CAMK4: variants seen among roughly 807,000 people sequenced by gnomAD.
CAMK4 encodes calcium/calmodulin dependent protein kinase IV, also known as calcium/calmodulin-dependent protein kinase type IV.
In CAMK4, 22 loss-of-function variants were observed where a neutral mutation model predicts 44.9. The ratio of observed to expected loss-of-function variants is 0.49; its 90% CI spans 0.35 to 0.70. The LOEUF (loss-of-function observed/expected upper bound fraction) is 0.70, where lower values mean the gene tolerates loss of function less well. Among genes scored for constraint, CAMK4 ranks in the 30% least tolerant of loss-of-function variants. The probability of loss-of-function intolerance (pLI) is 0.01; values close to 1 mark genes in which losing one functional copy is unlikely to be tolerated. For synonymous variants in CAMK4, 218 were observed against 215.4 expected (o/e 1.01, Z -0.11); for missense variants, 498 against 586.8 (o/e 0.85, Z 1.56).
chr5:111,356,160 A>T (rs1458496845), intron 2 of CAMK4, among the ~76,000 whole-genome samples: 3 of 145,482 alleles, frequency 2.1e-5, no homozygotes, highest in Non-Finnish European at 4.5e-5. Flanking sequence ...CCTCTCCAGC[A>T]CCTGTTGTTT....
At chr5:111,261,460 G>C (rs895252226) in intron 1 of CAMK4, among the ~76,000 whole-genome samples, 4 of 152,044 alleles carry the variant, frequency 2.6e-5, no homozygotes, top group African/African-American at 9.7e-5. Flanking sequence ...GATCTCTGAG[G>C]TTTCGAGGAT....
chr5:111,419,265 C>A (rs1752931696), intron 5 of CAMK4, among the ~76,000 whole-genome samples: 1 of 152,130 alleles, frequency 6.6e-6, no homozygotes, highest in African/African-American at 2.4e-5. Context: ...CTGTTCAAAT[C>A]CTTCGCCCAC....
At position 111,403,479 on chromosome 5, in the gene CAMK4, A is replaced by T. The variant is rs182870740; in HGVS notation, c.459+8697A>T. On this transcript the variant is annotated intron_variant, in intron 5 of 10. Coordinates refer to ENST00000282356, the MANE Select transcript of CAMK4 (RefSeq NM_001744.6). Reference sequence around the variant, plus strand: ...ATCTTTGGAGGATAGATTTTAATTAATACAAAGTTTTAAGAGTTGAAGCAC... The same window carrying T: ...ATCTTTGGAGGATAGATTTTAATTATTACAAAGTTTTAAGAGTTGAAGCAC... 2.9e-3 allele frequency among the ~76,000 whole-genome samples: 441 copies of T among 152,326 alleles called. 3 individuals carry two copies. Among genetic ancestry groups the T allele is most frequent in the African/African-American group, 0.01 (419 of 41,572 alleles).
At chr5:111,245,355 T>C (rs1197647250) in intron 1 of CAMK4, among the ~76,000 whole-genome samples, 1 of 152,226 alleles carries the variant, frequency 6.6e-6, no homozygotes, top group African/African-American at 2.4e-5. Context: ...AAAATTATTT[T>C]AATTTATTGT....
At chr5:111,454,561 T>C (rs1213411690) in intron 7 of CAMK4, among the ~76,000 whole-genome samples, 1 of 150,274 alleles carries the variant, frequency 6.7e-6, no homozygotes, top group Non-Finnish European at 1.5e-5. Flanking sequence ...AATCAATGAT[T>C]AGTGTTCAAA....
At chr5:111,443,634 G>A (rs1753925742) in intron 5 of CAMK4, among the ~76,000 whole-genome samples, 2 of 151,702 alleles carry the variant, frequency 1.3e-5, no homozygotes. Flanking sequence ...TGTTTAACTT[G>A]CACTTAGAAC....
At chr5:111,264,103 T>C (rs1469048897) in intron 1 of CAMK4, among the ~76,000 whole-genome samples, 2 of 152,192 alleles carry the variant, frequency 1.3e-5, no homozygotes, top group Non-Finnish European at 2.9e-5. Context: ...AATGACTGGC[T>C]CTCTTTTTTA....
Position 111,333,142 on chromosome 5 carries a change from A to G in CAMK4, c.162-10882A>G, listed in dbSNP as rs193009027. ...ATTAAGCATAATTGAAGGTATGGAGATGGAATTGTGTAGATACACATTAAA... is the reference window on the plus strand; with the variant it reads ...ATTAAGCATAATTGAAGGTATGGAGGTGGAATTGTGTAGATACACATTAAA... On this transcript the variant is annotated intron_variant, in intron 1 of 10. Coordinates refer to ENST00000282356, the MANE Select transcript of CAMK4 (RefSeq NM_001744.6). Among the ~76,000 whole-genome samples, 334 of 151,752 alleles carry G rather than the reference A, an allele frequency of 2.2e-3. 1 individual carries two copies. The highest frequency in any genetic ancestry group is 4.0e-3 in the Non-Finnish European group (268 of 67,752).
rs1382050354 is a variant in CAMK4 at position 111,484,331 on chromosome 5, C to T, written c.1287C>T (p.Asp429=). 1 of 1,613,698 alleles carries T rather than the reference C, an allele frequency of 6.2e-7. No homozygotes were observed. The highest frequency in any genetic ancestry group is 2.2e-5 in the East Asian group (1 of 44,882). ...TGGAGGATGGGATAAAGGTGGCTGA[C>T]CTGGAACTAGAGGAGGGCCTAGCAG... ...KAVEDGIKVA[D]LELEEGLAEE... is the part of the protein sequence containing the mutation. Residue 429 remains aspartate, a synonymous_variant, in exon 11 of 11, where the codon GAC becomes GAT. Transcript: ENST00000282356. This position sits in a 1 kb window ranked among gnomAD's most constrained non-coding sequence, Gnocchi z 5.3.
intron 5 of CAMK4, among the ~76,000 whole-genome samples, chr5:111,413,360 C>T (rs1216251679): frequency 2.6e-5 from 4 of 151,926 alleles, no homozygotes; most frequent in Non-Finnish European, 5.9e-5. Context: ...AGGCAGATCT[C>T]GAGGTCAGGA....
intron 7 of CAMK4, among the ~76,000 whole-genome samples, chr5:111,460,997 A>T (rs987563286): frequency 6.6e-6 from 1 of 152,260 alleles, no homozygotes; most frequent in Non-Finnish European, 1.5e-5. Context: ...AGAAAATCAT[A>T]TAATTCTTGC....
At chr5:111,453,588 C>T (rs2112986546) in intron 7 of CAMK4, among the ~76,000 whole-genome samples, 1 of 152,064 alleles carries the variant, frequency 6.6e-6, no homozygotes, top group Non-Finnish European at 1.5e-5. Flanking sequence ...AGAATTTACG[C>T]AGAGACTGTT....
At chr5:111,303,935 A>G (rs1387210220) in intron 1 of CAMK4, among the ~76,000 whole-genome samples, 2 of 124,560 alleles carry the variant, frequency 1.6e-5, no homozygotes, top group African/African-American at 3.8e-5. Context: ...AGTGGGGGCC[A>G]ATATTCAACA....
At chr5:111,247,762 C>T (rs957512290) in intron 1 of CAMK4, among the ~76,000 whole-genome samples, 18 of 151,676 alleles carry the variant, frequency 1.2e-4, no homozygotes, top group African/African-American at 4.4e-4. Context: ...TAATTGTAGC[C>T]GTTAACTGTA....
At chr5:111,407,376 A>G (rs1429950021) in intron 5 of CAMK4, among the ~76,000 whole-genome samples, 1 of 151,694 alleles carries the variant, frequency 6.6e-6, no homozygotes, top group Non-Finnish European at 1.5e-5. Context: ...AGAAAAACAC[A>G]AAAACAACAC....
At chr5:111,411,465 A>G (rs1240634274) in intron 5 of CAMK4, among the ~76,000 whole-genome samples, 1 of 152,232 alleles carries the variant, frequency 6.6e-6, no homozygotes, top group Non-Finnish European at 1.5e-5. Context: ...AAGAGAAGGC[A>G]ACAGATTGCT....
intron 1 of CAMK4, among the ~76,000 whole-genome samples, chr5:111,312,081 G>C (rs1414320305): frequency 6.6e-6 from 1 of 152,064 alleles, no homozygotes; most frequent in Non-Finnish European, 1.5e-5. Context: ...TTCTAGTTAT[G>C]AATTTTCATA....
chr5:111,230,565 GA>G (rs34590737), intron 1 of CAMK4, among the ~76,000 whole-genome samples: 32,393 of 141,548 alleles, frequency 0.23, 5,068 homozygotes, highest in African/African-American at 0.45. Flanking sequence ...GATTTTGGGG[GA>G]AAAAAAAAAA....
intron 7 of CAMK4, among the ~76,000 whole-genome samples, chr5:111,468,988 AC>A (rs1475720465): frequency 2.4e-4 from 36 of 151,116 alleles, no homozygotes; most frequent in Non-Finnish European, 5.3e-4. Context: ...AACAACAACA[AC>A]AAAAATTAGC....
Sources: gnomAD v4.1 joint callset for allele counts (sites outside exome capture counted in the v4.1 genomes callset) on GRCh38, gnomAD v4.1.1 for gene constraint, Gnocchi (gnomAD v3.1) non-coding constraint, MANE v1.5 for transcripts, NCBI Gene and HGNC (gene_info 2026-07-23, HGNC 2026-07-21) for gene names.